SGF29: variants seen among roughly 807,000 people sequenced by gnomAD.
SGF29 encodes SAGA-associated factor 29.
SGF29 carries 15 observed loss-of-function variants against 38.1 expected under a neutral mutation model. That is an observed-to-expected ratio of 0.39 (90% CI 0.26 to 0.61). The LOEUF is 0.61. Ranked by LOEUF, SGF29 falls within the 20% of genes least tolerant of loss-of-function variation. SGF29 has a pLI of 0.49. For missense variants in SGF29, 184 were observed against 394.6 expected (o/e 0.47, Z 4.52); for synonymous variants, 151 against 160.8 (o/e 0.94, Z 0.46).
intron 1 of SGF29, among the ~76,000 whole-genome samples, chr16:28,571,378 G>C (rs1431471525): frequency 1.3e-5 from 2 of 152,090 alleles, no homozygotes; most frequent in East Asian, 1.9e-4. Context: ...TGGATCACCT[G>C]AGGTCAGGAG....
intron 1 of SGF29, among the ~76,000 whole-genome samples, chr16:28,561,328 T>G (rs1184327735): frequency 6.6e-6 from 1 of 151,864 alleles, no homozygotes; most frequent in Non-Finnish European, 1.5e-5. Context: ...AGGTCAAGAG[T>G]TGGAGACCAG....
intron 1 of SGF29, among the ~76,000 whole-genome samples, chr16:28,563,662 C>T (rs1016336199): frequency 2.0e-5 from 3 of 150,102 alleles, no homozygotes; most frequent in Non-Finnish European, 3.0e-5. Context: ...TTACTACGTG[C>T]ATATATTGTT....
chr16:28,569,247 T>C (rs550710683), intron 1 of SGF29, among the ~76,000 whole-genome samples: 1 of 152,322 alleles, frequency 6.6e-6, no homozygotes, highest in Admixed American at 6.5e-5. Context: ...GCATGGCTTC[T>C]CTTGACGGCT....
At chr16:28,577,361 A>C (rs1475030066) in intron 1 of SGF29, among the ~76,000 whole-genome samples, 2 of 151,906 alleles carry the variant, frequency 1.3e-5, no homozygotes, top group South Asian at 4.1e-4. Context: ...AAAAAAAAAA[A>C]ACAAAAAAAC....
chr16:28,576,047 A>G (rs2046890764), intron 1 of SGF29, among the ~76,000 whole-genome samples: 1 of 152,220 alleles, frequency 6.6e-6, no homozygotes, highest in Admixed American at 6.5e-5. Flanking sequence ...GGGAATGCAC[A>G]TTGCAGGTGG....
At chr16:28,558,448 A>G (rs561773385) in intron 1 of SGF29, among the ~76,000 whole-genome samples, 1 of 152,100 alleles carries the variant, frequency 6.6e-6, no homozygotes, top group East Asian at 1.9e-4. Flanking sequence ...TGGTAGAGAT[A>G]GAGCCTCGCT....
chr16:28,573,381 G>A (rs2046876794), intron 1 of SGF29, among the ~76,000 whole-genome samples: 1 of 152,158 alleles, frequency 6.6e-6, no homozygotes, highest in Non-Finnish European at 1.5e-5. Context: ...GGGCCCTCAC[G>A]CTTCCCCTGC....
At chr16:28,573,373 G>T (rs2046876732) in intron 1 of SGF29, among the ~76,000 whole-genome samples, 1 of 152,140 alleles carries the variant, frequency 6.6e-6, no homozygotes, top group South Asian at 2.1e-4. Flanking sequence ...AGCAGAGAGG[G>T]CCCTCACGCT....
At chr16:28,554,180 C>T (rs1399710801) in intron 1 of SGF29, 83 bp downstream of exon 1, 1 of 152,098 alleles carries the variant, frequency 6.6e-6, no homozygotes, top group East Asian at 1.9e-4. Flanking sequence ...GCCGCGGCTC[C>T]CGACCTCCCT....
intron 1 of SGF29, among the ~76,000 whole-genome samples, chr16:28,572,159 G>C (rs1348426658): frequency 6.6e-6 from 1 of 150,900 alleles, no homozygotes; most frequent in Admixed American, 6.6e-5. Flanking sequence ...AGTATTTTTA[G>C]TGGAGATGGG....
intron 1 of SGF29, among the ~76,000 whole-genome samples, chr16:28,573,507 A>G (rs2046877309): frequency 6.6e-6 from 1 of 152,144 alleles, no homozygotes; most frequent in Admixed American, 6.6e-5. Context: ...TTAGGGAAGA[A>G]GTTTTGCCGT....
chr16:28,564,685 G>GTATATATATGCATATA (rs1434333961), intron 1 of SGF29, among the ~76,000 whole-genome samples: 2 of 71,188 alleles, frequency 2.8e-5, no homozygotes, highest in Non-Finnish European at 5.4e-5. Context: ...GTATATATAT[G>GTATATATATGCATATA]TGTATATATA....
At chr16:28,589,535 C>T (rs1013647681) in intron 5 of SGF29, 4 of 240,162 alleles carry the variant, frequency 1.7e-5, no homozygotes, top group Admixed American at 5.0e-5. Context: ...CCCCCTCAGC[C>T]TGCATTAGGC....
chr16:28,568,678 G>C (rs537178765), intron 1 of SGF29, among the ~76,000 whole-genome samples: 2 of 152,066 alleles, frequency 1.3e-5, no homozygotes, highest in African/African-American at 4.8e-5. Context: ...ACTTTGGGAG[G>C]CCGAGGGGGA....
At chr16:28,574,354 C>T (rs968867149) in intron 1 of SGF29, among the ~76,000 whole-genome samples, 10 of 152,186 alleles carry the variant, frequency 6.6e-5, no homozygotes, top group African/African-American at 1.7e-4. Context: ...GAGGTGGGCA[C>T]ATACACAGTG....
Position 28,590,076 on chromosome 16 carries a change from G to A in SGF29, c.290-20G>A. ...CCGGCACCTATCCCTGGGGCCTCAG[G>A]CCTCCCTTCCTTCCCACAGCGGCCA... On this transcript the variant is annotated intron_variant, in intron 5 of 9. Coordinates refer to ENST00000317058, the MANE Select transcript of SGF29 (RefSeq NM_138414.3). The surrounding 1 kb of genome is among the most constrained non-coding windows in gnomAD (Gnocchi z 8.2). The A allele has an allele frequency of 1.2e-6, 2 of 1,605,862 alleles. No homozygotes were observed. Among genetic ancestry groups the A allele is most frequent in the Non-Finnish European group, 1.7e-6 (2 of 1,176,730 alleles).
chr16:28,572,333 G>A (rs1046314485), intron 1 of SGF29, among the ~76,000 whole-genome samples: 2 of 149,320 alleles, frequency 1.3e-5, no homozygotes, highest in Non-Finnish European at 3.0e-5. Flanking sequence ...GCAGTGGCAC[G>A]ATCTCGGCTC....
chr16:28,584,824 T>A, intron 2 of SGF29, 89 bp from the exon 3 acceptor site: 1 of 817,644 alleles, frequency 1.2e-6, no homozygotes, highest in Non-Finnish European at 2.0e-6. Context: ...GAGGGCCGTA[T>A]TTTGGGGATG....
chr16:28,570,035 G>T (rs2046856082), intron 1 of SGF29, among the ~76,000 whole-genome samples: 1 of 152,234 alleles, frequency 6.6e-6, no homozygotes, highest in African/African-American at 2.4e-5. Context: ...CTGACACAGG[G>T]TAAGGCCCCT....
Sources: gnomAD v4.1 joint callset for allele counts (sites outside exome capture counted in the v4.1 genomes callset) on GRCh38, gnomAD v4.1.1 for gene constraint, Gnocchi (gnomAD v3.1) non-coding constraint, MANE v1.5 for transcripts, NCBI Gene and HGNC (gene_info 2026-07-23, HGNC 2026-07-21) for gene names.